The following EML1 variants were observed in gnomAD, a reference collection of about 807,000 sequenced individuals.
EML1 encodes the protein EMAP like 1.
In EML1, 27 loss-of-function variants were observed where a neutral mutation model predicts 110.4. That is an observed-to-expected ratio of 0.24 (90% CI 0.18 to 0.34). The LOEUF is 0.34. Ranked by LOEUF, EML1 falls within the 10% of genes least tolerant of loss-of-function variation. EML1 has a pLI of 1.00. For missense variants in EML1, 741 were observed against 1,030.9 expected (o/e 0.72, Z 3.85); for synonymous variants, 344 against 385.8 (o/e 0.89, Z 1.27).
chr14:99,910,399 C>A, intron 12 of EML1, 58 bp downstream of exon 12: 2 of 1,344,866 alleles, frequency 1.5e-6, no homozygotes, highest in Non-Finnish European at 2.1e-6. Flanking sequence ...AGAGATCAAA[C>A]ATGAGTGCTT....
rs139126185 is a variant in EML1, at chr14:99,850,522, G to A, written c.68-331G>A. 1.4e-3 allele frequency among the ~76,000 whole-genome samples: 216 copies of A among 152,232 alleles called. 2 individuals are homozygous for A. Among genetic ancestry groups the A allele is most frequent in the South Asian group, 0.013 (62 of 4,820 alleles). ...CTGCAGTGTGTGGGAAGTTGAAGTGGACGTATTCTAACATCCCTTCCACTG... is the reference window on the plus strand; with the variant it reads ...CTGCAGTGTGTGGGAAGTTGAAGTGAACGTATTCTAACATCCCTTCCACTG... On this transcript the variant is annotated intron_variant, in intron 1 of 21. Coordinates refer to ENST00000262233, the MANE Select transcript of EML1 (RefSeq NM_004434.3).
intron 2 of EML1, among the ~76,000 whole-genome samples, chr14:99,859,624 A>G (rs1404767231): frequency 2.6e-5 from 4 of 152,094 alleles, no homozygotes; most frequent in Admixed American, 2.0e-4. Context: ...CCTGAATCCC[A>G]GGCCTGAGTT....
intron 1 of EML1, among the ~76,000 whole-genome samples, chr14:99,841,465 T>A (rs1292595488): frequency 6.6e-6 from 1 of 152,180 alleles, no homozygotes; most frequent in Non-Finnish European, 1.5e-5. Flanking sequence ...TTAGGTCACA[T>A]AGCTAATAGG....
At chr14:99,803,174 G>T (rs78562471) in intron 1 of EML1, among the ~76,000 whole-genome samples, 4,541 of 152,198 alleles carry the variant, frequency 0.03, 205 homozygotes, top group African/African-American at 0.097. Flanking sequence ...CTGGTGAAAG[G>T]TGGTTGAATA....
chr14:99,742,822 A>G (rs1161866837), intron 1 of EML1, among the ~76,000 whole-genome samples: 1 of 152,106 alleles, frequency 6.6e-6, no homozygotes, highest in Non-Finnish European at 1.5e-5. Flanking sequence ...CCATAAGCTC[A>G]GGGGTGTCAT....
At position 99,939,868 on chromosome 14, in the gene EML1, G is replaced by A; in HGVS notation, c.2323-119G>A. The A allele has an allele frequency of 7.7e-7, 1 of 1,296,098 alleles. No homozygotes were observed. The highest frequency in any genetic ancestry group is 1.0e-6 in the Non-Finnish European group (1 of 971,598). 80.3% of individuals were successfully genotyped at this position (1,296,098 alleles called of 1,614,324 possible). ...ACACAGAGCAGGTTCCCAAGTGAGAGCTGCCGAGCGGAGGGCGAGTAAAGG... is the reference window on the plus strand; with the variant it reads ...ACACAGAGCAGGTTCCCAAGTGAGAACTGCCGAGCGGAGGGCGAGTAAAGG... On this transcript the variant is annotated intron_variant, in intron 21 of 21. Transcript: ENST00000262233. The surrounding 1 kb of genome is among the most constrained non-coding windows in gnomAD (Gnocchi z 4.2).
chr14:99,919,433 C>CACAG (rs776441410), intron 16 of EML1, among the ~76,000 whole-genome samples: 37 of 148,584 alleles, frequency 2.5e-4, no homozygotes, highest in Non-Finnish European at 4.3e-4. Flanking sequence ...CAGACACACA[C>CACAG]ACACACACAC....
intron 13 of EML1, among the ~76,000 whole-genome samples, chr14:99,912,380 A>T (rs1483259868): frequency 6.6e-6 from 1 of 152,094 alleles, no homozygotes; most frequent in African/African-American, 2.4e-5. Context: ...CACCAGAGGC[A>T]AGATATTTAA....
At chr14:99,883,055 G>A (rs1287411953) in intron 4 of EML1, among the ~76,000 whole-genome samples, 1 of 152,138 alleles carries the variant, frequency 6.6e-6, no homozygotes. Context: ...CTTTACGATA[G>A]CATCACTGCT....
chr14:99,739,043 A>G (rs1421014459), intron 1 of EML1, among the ~76,000 whole-genome samples: 2 of 149,366 alleles, frequency 1.3e-5, no homozygotes, highest in African/African-American at 4.9e-5. Flanking sequence ...AGGATTTGGA[A>G]CAGAGCAAGT....
At chr14:99,770,916 C>T (rs935191242), upstream of EML1, among the ~76,000 whole-genome samples, 3 of 151,058 alleles carry the variant, frequency 2.0e-5, no homozygotes, top group Non-Finnish European at 4.4e-5. Context: ...TCCCGAGTAG[C>T]TGGGACTACA....
At position 99,941,735 on chromosome 14, in the gene EML1, T is replaced by C. The variant is rs2060592701; in HGVS notation, c.*1623T>C. 6.6e-6 allele frequency: 1 copy of C among 152,198 alleles called. No homozygotes were observed. Among genetic ancestry groups the C allele is most frequent in the South Asian group, 2.1e-4 (1 of 4,830 alleles). 9.4% of individuals were successfully genotyped at this position (152,198 alleles called of 1,614,324 possible). Reference sequence around the variant, plus strand: ...ATCAGGGGAGATAACCATAAAGGATTTGGCCTAATTACCATACTCAATTGT... The same window carrying C: ...ATCAGGGGAGATAACCATAAAGGATCTGGCCTAATTACCATACTCAATTGT... On this transcript the variant is annotated 3_prime_UTR_variant, in exon 22 of 22. Coordinates refer to ENST00000262233, the MANE Select transcript of EML1 (RefSeq NM_004434.3).
chr14:99,741,184 G>A lies in EML1; in HGVS notation c.28+3324G>A, dbSNP rs906320024. Among the ~76,000 whole-genome samples, 68 of 152,272 alleles carry A rather than the reference G, an allele frequency of 4.5e-4. 1 individual carries two copies. Among genetic ancestry groups the A allele is most frequent in the African/African-American group, 1.6e-3 (65 of 41,560 alleles). On this transcript the variant is annotated intron_variant, in intron 1 of 10. Coordinates refer to the EML1 transcript ENST00000554479. ...ACAGATGGGCATTTGCCCTGCTGCA[G>A]CAGGTATGGTAAGGACAGGCCTCTA... is the stretch of plus-strand genomic sequence containing the variant.
At chr14:99,803,780 T>G (rs951028728) in intron 1 of EML1, among the ~76,000 whole-genome samples, 2 of 152,230 alleles carry the variant, frequency 1.3e-5, no homozygotes, top group African/African-American at 4.8e-5. Flanking sequence ...GTAACATGAA[T>G]TTTACCATTC....
At chr14:99,816,640 CA>C (rs1000449650) in intron 1 of EML1, among the ~76,000 whole-genome samples, 3 of 152,226 alleles carry the variant, frequency 2.0e-5, no homozygotes, top group African/African-American at 7.2e-5. Flanking sequence ...TAGTTTGGTC[CA>C]ACTTTGAAAG....
At chr14:99,757,127 G>A (rs1307445569) in intron 1 of EML1, among the ~76,000 whole-genome samples, 1 of 152,178 alleles carries the variant, frequency 6.6e-6, no homozygotes, top group Non-Finnish European at 1.5e-5. Flanking sequence ...ATCACCTAAG[G>A]TCGGCAGTTC....
At position 99,936,366 on chromosome 14, in the gene EML1, C is replaced by G. The variant is rs780681440; in HGVS notation, c.2095+32C>G. The G allele has an allele frequency of 2.5e-6, 4 of 1,597,830 alleles. No homozygotes were observed. Among genetic ancestry groups the G allele is most frequent in the Non-Finnish European group, 3.4e-6 (4 of 1,167,436 alleles). Reference sequence around the variant, plus strand: ...ACCACCCCGGGGTTGTATGAAGTCTCGATCTCAGAAAGCGTTCACTCTGAG... The same window carrying G: ...ACCACCCCGGGGTTGTATGAAGTCTGGATCTCAGAAAGCGTTCACTCTGAG... On this transcript the variant is annotated intron_variant, in intron 19 of 21. Transcript: ENST00000262233. This position sits in a 1 kb window ranked among gnomAD's most constrained non-coding sequence, Gnocchi z 5.5.
chr14:99,863,964 G>GTTCCTGTTGATCGGC (rs1206961803), intron 2 of EML1, among the ~76,000 whole-genome samples: 3 of 152,250 alleles, frequency 2.0e-5, no homozygotes, highest in Non-Finnish European at 4.4e-5. Flanking sequence ...AGGAATGAGA[G>GTTCCTGTTGATCGGC]TTCCTGTTGA....
At chr14:99,830,916 CG>C (rs995498796) in intron 1 of EML1, among the ~76,000 whole-genome samples, 1 of 152,118 alleles carries the variant, frequency 6.6e-6, no homozygotes, top group Non-Finnish European at 1.5e-5. Context: ...CTGTCCAGAC[CG>C]GGCCCTTTGT....
Sources: gnomAD v4.1 joint callset for allele counts (sites outside exome capture counted in the v4.1 genomes callset) on GRCh38, gnomAD v4.1.1 for gene constraint, Gnocchi (gnomAD v3.1) non-coding constraint, MANE v1.5 for transcripts, NCBI Gene and HGNC (gene_info 2026-07-23, HGNC 2026-07-21) for gene names.